Variants in C10orf71 observed in about 807,000 individuals in gnomAD.
The protein encoded by C10orf71 is chromosome 10 open reading frame 71, also known as cardiac-enriched FHL2-interacting protein.
For synonymous variants in C10orf71, 758 were observed against 726.3 expected (o/e 1.04, Z -0.70); for missense variants, 1,869 against 1,804.5 (o/e 1.04, Z -0.65).
intron 1 of C10orf71, among the ~76,000 whole-genome samples, chr10:49,313,246 A>C (rs1848946160): frequency 6.6e-6 from 1 of 152,236 alleles, no homozygotes; most frequent in Non-Finnish European, 1.5e-5. Context: ...GCTCTGAAGC[A>C]CATGTTGGAG....
At chr10:49,297,087 A>G (rs1197791111), upstream of C10orf71, among the ~76,000 whole-genome samples, 1 of 152,222 alleles carries the variant, frequency 6.6e-6, no homozygotes, top group Non-Finnish European at 1.5e-5. Context: ...CTGCAGAGCA[A>G]AGCTTGCTGT....
intron 1 of C10orf71, among the ~76,000 whole-genome samples, chr10:49,315,852 T>G (rs950837566): frequency 6.6e-6 from 1 of 152,188 alleles, no homozygotes; most frequent in African/African-American, 2.4e-5. Context: ...GGTCAGGAGT[T>G]CGAGACCAGC....
rs1849154886 is a variant in C10orf71, at chr10:49,323,888, C to G, written c.1343C>G (p.Thr448Ser). 1 of 1,613,450 alleles carries G rather than the reference C, an allele frequency of 6.2e-7. No individual in the cohort carries two copies. The change falls in exon 3 of 3, where the codon ACC (threonine) becomes AGC (serine). Residue 448 changes from threonine (T) to serine (S), a missense_variant. Coordinates refer to ENST00000374144, the MANE Select transcript of C10orf71 (RefSeq NM_001135196.2). ...DPPFNISKLL[T>S]PIIPSKHALD... ...CCCTTTAACATCAGTAAGCTCCTGA[C>G]CCCCATCATACCCAGCAAGCACGCC...
chr10:49,306,264 C>A (rs758583906), intron 1 of C10orf71, among the ~76,000 whole-genome samples: 1 of 152,204 alleles, frequency 6.6e-6, no homozygotes, highest in Non-Finnish European at 1.5e-5. Flanking sequence ...CCACAGGGAC[C>A]GATTCCATGA....
chr10:49,325,507 G>A lies in C10orf71; in HGVS notation c.2962G>A (p.Gly988Ser), dbSNP rs751827587. The A allele has an allele frequency of 2.0e-5, 31 of 1,550,702 alleles. No homozygotes were observed. The African/African-American group carries it at 2.6e-4, about 13-fold the overall frequency. Residue 988 changes from glycine to serine, a missense_variant, in exon 3 of 3, where the codon GGT becomes AGT. Transcript: ENST00000374144. Reference sequence around the variant, plus strand: ...CCTCGTGGCAAGCAATTGCAAGAGCGGTTCTGCAGACTCAGGGAAGCTGGC... The same window carrying A: ...CCTCGTGGCAAGCAATTGCAAGAGCAGTTCTGCAGACTCAGGGAAGCTGGC... ...PGLVASNCKSGSADSGKLAAP... is the reference protein window; with the variant it reads ...PGLVASNCKSSSADSGKLAAP...
chr10:49,318,062 A>C (rs1849029887), intron 2 of C10orf71, among the ~76,000 whole-genome samples: 1 of 152,196 alleles, frequency 6.6e-6, no homozygotes, highest in Non-Finnish European at 1.5e-5. Flanking sequence ...ACTGTGCGGC[A>C]ATACATTTTC....
intron 1 of C10orf71, among the ~76,000 whole-genome samples, chr10:49,312,481 G>A (rs575227568): frequency 7.9e-5 from 12 of 152,258 alleles, no homozygotes; most frequent in Non-Finnish European, 8.8e-5. Flanking sequence ...TTTAGATAAC[G>A]CATCACTTAA....
intron 1 of C10orf71, among the ~76,000 whole-genome samples, chr10:49,301,991 A>T (rs1848736130): frequency 6.6e-6 from 1 of 152,128 alleles, no homozygotes; most frequent in African/African-American, 2.4e-5. Flanking sequence ...TTTCACTACT[A>T]ACCCCCTTCC....
chr10:49,311,435 T>C (rs1848912816), intron 1 of C10orf71, among the ~76,000 whole-genome samples: 1 of 152,218 alleles, frequency 6.6e-6, no homozygotes, highest in South Asian at 2.1e-4. Flanking sequence ...TCTGTCCCTT[T>C]GCACACTGCA....
Position 49,322,905 on chromosome 10 carries a change from G to C in C10orf71, c.360G>C (p.Thr120=). 6.2e-7 allele frequency: 1 copy of C among 1,613,848 alleles called. No homozygotes were observed. Residue 120 remains threonine, a synonymous_variant, in exon 3 of 3, where the codon ACG becomes ACC. Coordinates refer to ENST00000374144, the MANE Select transcript of C10orf71 (RefSeq NM_001135196.2). The part of the protein sequence containing the change: ...EKYPKTSPPP[T]PVQRRLEVPV... The stretch of plus-strand genomic sequence containing the variant: ...ACCCCAAAACCAGCCCCCCACCAAC[G>C]CCAGTCCAGAGGAGACTGGAGGTGC...
chr10:49,319,934 G>T (rs1048521563), intron 2 of C10orf71, among the ~76,000 whole-genome samples: 2 of 151,934 alleles, frequency 1.3e-5, no homozygotes, highest in Admixed American at 1.3e-4. Flanking sequence ...GCTTCCTGGA[G>T]TCATCAAATT....
At chr10:49,301,348 T>C (rs1178047940) in intron 1 of C10orf71, among the ~76,000 whole-genome samples, 3 of 152,240 alleles carry the variant, frequency 2.0e-5, no homozygotes, top group African/African-American at 7.2e-5. Context: ...GTCCATAGTC[T>C]TTATCTCAAT....
At chr10:49,308,854 G>A (rs1848862494) in intron 1 of C10orf71, among the ~76,000 whole-genome samples, 2 of 152,180 alleles carry the variant, frequency 1.3e-5, no homozygotes, top group Non-Finnish European at 1.5e-5. Flanking sequence ...AGTAAAAGGG[G>A]TTACAAAGAC....
At position 49,326,708 on chromosome 10, in the gene C10orf71, C is replaced by T. The variant is rs1450526205; in HGVS notation, c.4163C>T (p.Pro1388Leu). Residue 1388 changes from proline (P) to leucine (L), a missense_variant, in exon 3 of 3, where the codon CCT (proline) becomes CTT (leucine). Transcript: ENST00000374144. ...TCTGGACTACAGCTGGACCCAGGGC[C>T]TCACGGTGACTGCACCCCGCACTCT... ...HESGLQLDPG[P>L]HGDCTPHSAG... 6.2e-5 allele frequency: 96 copies of T among 1,551,084 alleles called. No homozygotes were observed. Among genetic ancestry groups the T allele is most frequent in the Non-Finnish European group, 8.1e-5 (93 of 1,146,992 alleles).
Position 49,322,750 on chromosome 10 carries a change from C to G in C10orf71, c.205C>G (p.Gln69Glu). The change falls in exon 3 of 3, where the codon CAG (glutamine) becomes GAG (glutamate). Residue 69 changes from glutamine to glutamate, a missense_variant. Gln to Glu is a conservative substitution (Grantham distance 29). Coordinates refer to ENST00000374144, the MANE Select transcript of C10orf71 (RefSeq NM_001135196.2). ...ITRQVFGTFH[Q>E]RTVGHTQRKS... ...CCGACAGGTGTTTGGGACTTTTCAC[C>G]AGAGAACAGTGGGCCACACCCAGAG... 6.2e-7 allele frequency: 1 copy of G among 1,613,758 alleles called. No individual in the cohort carries two copies. The highest frequency in any genetic ancestry group is 8.5e-7 in the Non-Finnish European group (1 of 1,179,700).
In C10orf71 at chr10:49,310,100, C is replaced by T. The variant is rs183347201; in HGVS notation, c.-247-6045C>T. ...GGAGGAAAATGGAACATATCTTCAG[C>T]AGCTCAGGGGTGCACCTTGGGCCTG... On this transcript the variant is annotated intron_variant, in intron 1 of 2. Coordinates refer to ENST00000374144, the MANE Select transcript of C10orf71 (RefSeq NM_001135196.2). 1.3e-3 allele frequency among the ~76,000 whole-genome samples: 196 copies of T among 152,328 alleles called. 3 individuals carry two copies. Among genetic ancestry groups the T allele is most frequent in the Middle Eastern group, 3.4e-3 (1 of 294 alleles).
intron 1 of C10orf71, among the ~76,000 whole-genome samples, chr10:49,313,484 T>A (rs772147774): frequency 2.0e-5 from 3 of 151,982 alleles, no homozygotes; most frequent in Non-Finnish European, 4.4e-5. Flanking sequence ...CATCGAGAGA[T>A]TCTAAGCAAA....
chr10:49,303,702 A>G (rs1051784468), intron 1 of C10orf71, among the ~76,000 whole-genome samples: 13 of 152,248 alleles, frequency 8.5e-5, no homozygotes, highest in Non-Finnish European at 1.6e-4. Context: ...TGAAATAAAC[A>G]TGGTTGTTAA....
chr10:49,311,720 A>G (rs1358920453), intron 1 of C10orf71, among the ~76,000 whole-genome samples: 1 of 152,240 alleles, frequency 6.6e-6, no homozygotes, highest in Non-Finnish European at 1.5e-5. Flanking sequence ...CTGAGGACAG[A>G]AGAGACATTC....
Sources: allele counts gnomAD v4.1 joint callset (sites outside exome capture counted in the v4.1 genomes callset), GRCh38; gene constraint gnomAD v4.1.1; transcripts MANE v1.5; gene names NCBI Gene and HGNC (gene_info 2026-07-23, HGNC 2026-07-21).